HPSE2: variants seen among roughly 807,000 people sequenced by gnomAD.
HPSE2 encodes heparanase 2 (inactive).
A neutral mutation model predicts 60.5 loss-of-function variants in HPSE2; 38 were observed. The ratio of observed to expected loss-of-function variants is 0.63; its 90% CI spans 0.48 to 0.82. The LOEUF (loss-of-function observed/expected upper bound fraction) is 0.82. HPSE2 is among the 40% of genes least tolerant of loss of function. HPSE2 has a pLI of 0.00. For missense variants in HPSE2, 713 were observed against 740.4 expected (o/e 0.96, Z 0.43); for synonymous variants, 295 against 293.2 (o/e 1.01, Z -0.06).
intron 3 of HPSE2, among the ~76,000 whole-genome samples, chr10:99,030,768 G>A (rs761079746): frequency 1.3e-5 from 2 of 152,150 alleles, no homozygotes; most frequent in African/African-American, 2.4e-5. Context: ...AGAAAATGTA[G>A]TACATATATA....
chr10:99,177,676 G>A (rs1019464768), intron 2 of HPSE2, among the ~76,000 whole-genome samples: 10 of 152,094 alleles, frequency 6.6e-5, no homozygotes, highest in African/African-American at 2.4e-4. Context: ...AATAGTGGGA[G>A]ACTTTAACAC....
chr10:98,465,170 A>G (rs1940473470), intron 11 of HPSE2, among the ~76,000 whole-genome samples: 1 of 152,232 alleles, frequency 6.6e-6, no homozygotes, highest in African/African-American at 2.4e-5. Context: ...TATAACAATA[A>G]TCTTTCATTT....
chr10:98,510,507 G>A (rs1265554824), intron 9 of HPSE2, among the ~76,000 whole-genome samples: 1 of 152,194 alleles, frequency 6.6e-6, no homozygotes, highest in Non-Finnish European at 1.5e-5. Context: ...AGGTGGCAAA[G>A]GGAACCTGCT....
chr10:99,226,443 A>G (rs2133940048), intron 2 of HPSE2, among the ~76,000 whole-genome samples: 1 of 152,072 alleles, frequency 6.6e-6, no homozygotes, highest in East Asian at 1.9e-4. Flanking sequence ...CTTGTAGAGT[A>G]TCCTTCAGTT....
chr10:98,873,387 G>A (rs185900633), intron 3 of HPSE2, among the ~76,000 whole-genome samples: 1 of 151,990 alleles, frequency 6.6e-6, no homozygotes, highest in African/African-American at 2.4e-5. Context: ...GCCCTGGTGT[G>A]TGTTGTTTAC....
At chr10:99,305,648 G>T in the HPSE2 span, among the ~76,000 whole-genome samples, 1 of 152,022 alleles carries the variant, frequency 6.6e-6, no homozygotes, top group Non-Finnish European at 1.5e-5. Flanking sequence ...CATCTTACAT[G>T]GCTGATAACC....
chr10:99,146,861 A>AAAAAAT (rs1282666390), intron 2 of HPSE2, among the ~76,000 whole-genome samples: 5 of 152,222 alleles, frequency 3.3e-5, no homozygotes, highest in African/African-American at 1.2e-4. Context: ...ACTCCATCAA[A>AAAAAAT]AAAAATAAAA....
the HPSE2 span, among the ~76,000 whole-genome samples, chr10:99,313,126 A>ATCG: frequency 6.6e-6 from 1 of 152,226 alleles, no homozygotes; most frequent in East Asian, 1.9e-4. Context: ...CAGGCTTTAA[A>ATCG]TCTGGTAAAC....
intron 3 of HPSE2, among the ~76,000 whole-genome samples, chr10:99,080,635 G>A (rs1022618606): frequency 2.6e-5 from 4 of 152,188 alleles, no homozygotes; most frequent in South Asian, 2.1e-4. Context: ...AAATCAAAGT[G>A]CTGTTTTACA....
chr10:99,155,812 G>T (rs1399789930), intron 2 of HPSE2, among the ~76,000 whole-genome samples: 1 of 150,490 alleles, frequency 6.6e-6, no homozygotes, highest in Non-Finnish European at 1.5e-5. Flanking sequence ...AATGAATCCA[G>T]GAGCTGGTTT....
At chr10:98,896,441 C>A (rs1953495060) in intron 3 of HPSE2, among the ~76,000 whole-genome samples, 1 of 152,072 alleles carries the variant, frequency 6.6e-6, no homozygotes, top group Non-Finnish European at 1.5e-5. Flanking sequence ...TAGTTCTAAT[C>A]ATATGGTTGG....
intron 3 of HPSE2, among the ~76,000 whole-genome samples, chr10:99,118,557 A>G (rs935303379): frequency 3.3e-5 from 5 of 151,700 alleles, no homozygotes; most frequent in African/African-American, 1.2e-4. Flanking sequence ...CCTCAAAATA[A>G]TAAGAGCCAT....
At chr10:98,521,534 T>G (rs1471919593) in intron 9 of HPSE2, among the ~76,000 whole-genome samples, 1 of 152,160 alleles carries the variant, frequency 6.6e-6, no homozygotes, top group African/African-American at 2.4e-5. Context: ...ACACTGCTGG[T>G]GGGAGTGTAA....
rs957635819 is a variant in HPSE2, at chr10:99,109,911, A to T, written c.610+34327T>A. ...AATCAAGTTCTGTGAATCTACTCAT[A>T]TGAAGGATCAAGAAATAAAGGCCTG... is the stretch of plus-strand genomic sequence containing the variant. On this transcript the variant is annotated intron_variant, in intron 3 of 11. Coordinates refer to ENST00000370552, the MANE Select transcript of HPSE2 (RefSeq NM_021828.5). 1.1e-4 allele frequency among the ~76,000 whole-genome samples: 16 copies of T among 152,292 alleles called. No homozygotes were observed. The South Asian group carries it at 3.1e-3, about 30-fold the overall frequency.
At chr10:98,575,548 T>C (rs917687587) in intron 9 of HPSE2, among the ~76,000 whole-genome samples, 1 of 152,252 alleles carries the variant, frequency 6.6e-6, no homozygotes, top group Non-Finnish European at 1.5e-5. Flanking sequence ...CCAAGCACTA[T>C]GCTAAGCATT....
chr10:98,571,890 CTGGATCATGAGTCCT>C (rs761077700), intron 9 of HPSE2, among the ~76,000 whole-genome samples: 51 of 151,968 alleles, frequency 3.4e-4, no homozygotes, highest in Middle Eastern at 6.9e-3. Context: ...TCTATCTATT[CTGGATCATGAGTCCT>C]TGGAGTTCTA....
chr10:99,029,412 G>A (rs750261313), intron 3 of HPSE2, among the ~76,000 whole-genome samples: 14 of 152,224 alleles, frequency 9.2e-5, no homozygotes, highest in South Asian at 2.1e-4. Context: ...AGCTGGGCCC[G>A]GGGGACCACT....
At chr10:98,978,027 C>T (rs574652543) in intron 3 of HPSE2, among the ~76,000 whole-genome samples, 1 of 151,722 alleles carries the variant, frequency 6.6e-6, no homozygotes, top group South Asian at 2.1e-4. Context: ...ATGGAGAAAA[C>T]AAACTCGGAG....
At chr10:98,997,455 C>T (rs538484548) in intron 3 of HPSE2, among the ~76,000 whole-genome samples, 1 of 152,254 alleles carries the variant, frequency 6.6e-6, no homozygotes, top group South Asian at 2.1e-4. Flanking sequence ...GCAATGACTA[C>T]ATCTTAGAGG....
Sources: gnomAD v4.1 joint callset for allele counts (sites outside exome capture counted in the v4.1 genomes callset) on GRCh38, gnomAD v4.1.1 for gene constraint, MANE v1.5 for transcripts, NCBI Gene and HGNC (gene_info 2026-07-23, HGNC 2026-07-21) for gene names.